Variants in WDR41 observed in about 807,000 individuals in gnomAD.
The protein encoded by WDR41 is WD repeat domain 41.
Under a neutral mutation model 69.3 loss-of-function variants are expected in WDR41, and 63 were observed. The observed-to-expected ratio is 0.91, with a 90% CI of 0.74 to 1.12. The LOEUF is 1.12. WDR41 is among the 50% of genes most tolerant of loss of function. WDR41 has a pLI of 0.00. For missense variants in WDR41, 543 were observed against 534.5 expected (o/e 1.02, Z -0.16); for synonymous variants, 185 against 192.1 (o/e 0.96, Z 0.31).
rs552254979 is a variant in WDR41 at position 77,444,742 on chromosome 5, C to T, written c.698-3745G>A. Reference sequence around the variant, plus strand: ...AGGATCACTGACATCCACATCATGGCTAACGTGCCTATGTACTGCAAGATG... The same window carrying T: ...AGGATCACTGACATCCACATCATGGTTAACGTGCCTATGTACTGCAAGATG... On this transcript the variant is annotated intron_variant, in intron 8 of 12. Coordinates refer to ENST00000296679, the MANE Select transcript of WDR41 (RefSeq NM_018268.4). 2.6e-5 allele frequency among the ~76,000 whole-genome samples: 4 copies of T among 152,336 alleles called. 1 individual carries two copies. The South Asian group carries it at 8.3e-4, about 32-fold the overall frequency.
chr5:77,601,603 C>T (rs927624532), intron 1 of WDR41, among the ~76,000 whole-genome samples: 2 of 152,144 alleles, frequency 1.3e-5, no homozygotes, highest in Non-Finnish European at 2.9e-5. Flanking sequence ...GGGTTTGGCA[C>T]TTAAGGTGTG....
At chr5:77,478,450 A>G (rs149994644) in intron 2 of WDR41, among the ~76,000 whole-genome samples, 39,045 of 152,112 alleles carry the variant, frequency 0.26, 5,798 homozygotes, top group Non-Finnish European at 0.33. Flanking sequence ...AACCGAATCC[A>G]GCAGCACATC....
intron 1 of WDR41, among the ~76,000 whole-genome samples, chr5:77,607,461 G>T (rs927800138): frequency 1.8e-4 from 28 of 152,342 alleles, no homozygotes; most frequent in African/African-American, 6.7e-4. Context: ...TTTCAAGAGG[G>T]TCACTAGAAG....
chr5:77,566,027 T>C (rs974428371), intron 1 of WDR41, among the ~76,000 whole-genome samples: 2 of 152,162 alleles, frequency 1.3e-5, no homozygotes, highest in Non-Finnish European at 2.9e-5. Flanking sequence ...ATAAAACTCC[T>C]TGTTTAGACA....
intron 1 of WDR41, among the ~76,000 whole-genome samples, chr5:77,519,222 T>C (rs1802337153): frequency 6.6e-6 from 1 of 151,986 alleles, no homozygotes. Context: ...TTTAAATTAC[T>C]CTCCTATATC....
intron 1 of WDR41, among the ~76,000 whole-genome samples, chr5:77,610,480 A>G (rs1268074927): frequency 6.6e-6 from 1 of 152,208 alleles, no homozygotes; most frequent in Admixed American, 6.5e-5. Context: ...TACAAGCCAG[A>G]AGAGAGTGGG....
chr5:77,594,159 G>A (rs979323257), intron 1 of WDR41, among the ~76,000 whole-genome samples: 2 of 149,854 alleles, frequency 1.3e-5, no homozygotes, highest in Admixed American at 6.7e-5. Context: ...GCAAACTATC[G>A]CAAGGACAAA....
intron 12 of WDR41, among the ~76,000 whole-genome samples, chr5:77,435,748 C>T (rs1798915613): frequency 6.6e-6 from 1 of 152,182 alleles, no homozygotes; most frequent in African/African-American, 2.4e-5. Flanking sequence ...ATGTTAAAAG[C>T]TTACGCATTT....
chr5:77,471,967 C>T (rs923576716), intron 2 of WDR41, among the ~76,000 whole-genome samples: 2 of 152,066 alleles, frequency 1.3e-5, no homozygotes, highest in African/African-American at 4.8e-5. Context: ...AGAGACATAA[C>T]CAAAAAAGAG....
Position 77,463,223 on chromosome 5 carries a change from C to T in WDR41, c.220G>A (p.Gly74Arg), listed in dbSNP as rs767229708. ...GIVVVWNAQTGEKLLELNGHT... is the reference protein window; with the variant it reads ...GIVVVWNAQTREKLLELNGHT... The stretch of plus-strand genomic sequence containing the variant: ...CCATTCAGTTCTAAAAGTTTTTCCC[C>T]TGTCTGAAATACCAATAAAAATGTT... The change falls in exon 4 of 13, where the codon GGG becomes AGG. Residue 74 changes from glycine to arginine, a missense_variant. Physicochemically the swap from Gly to Arg is moderately radical, Grantham distance 125. Coordinates refer to ENST00000296679, the MANE Select transcript of WDR41 (RefSeq NM_018268.4). The T allele has an allele frequency of 5.6e-6, 9 of 1,605,148 alleles. No individual in the cohort carries two copies. In the East Asian group the frequency reaches 1.6e-4, roughly 28 times the overall value.
At chr5:77,565,158 G>C (rs1580012388) in intron 1 of WDR41, among the ~76,000 whole-genome samples, 1 of 152,202 alleles carries the variant, frequency 6.6e-6, no homozygotes, top group East Asian at 1.9e-4. Flanking sequence ...TGAATCAGAA[G>C]ACTTGGGGGA....
upstream of WDR41, chr5:77,492,600 G>A (rs1801863443): frequency 4.0e-6 from 1 of 251,838 alleles, no homozygotes. Context: ...ACCCGACCCC[G>A]GCGAGCAAGC....
At chr5:77,540,084 A>T (rs995032312) in intron 1 of WDR41, among the ~76,000 whole-genome samples, 3 of 152,244 alleles carry the variant, frequency 2.0e-5, no homozygotes, top group East Asian at 3.8e-4. Context: ...AAGGAGAAAA[A>T]GGGAAGATAA....
chr5:77,433,354 A>G (rs1798802272), intron 12 of WDR41, 67 bp from the exon 13 acceptor site: 1 of 1,467,652 alleles, frequency 6.8e-7, no homozygotes, highest in African/African-American at 1.4e-5. Context: ...TACCACATTA[A>G]CACATGTGCG....
chr5:77,471,214 T>C lies in WDR41; in HGVS notation c.168-6405A>G, dbSNP rs556066307. On this transcript the variant is annotated intron_variant, in intron 2 of 12. Coordinates refer to ENST00000296679, the MANE Select transcript of WDR41 (RefSeq NM_018268.4). Reference sequence around the variant, plus strand: ...CAAAGTGAAGGCAGAAATAAAGATGTTCTTTGAAACCAACAAGAACAAAGA... The same window carrying C: ...CAAAGTGAAGGCAGAAATAAAGATGCTCTTTGAAACCAACAAGAACAAAGA... Among the ~76,000 whole-genome samples the C allele has an allele frequency of 1.1e-4, 16 of 152,312 alleles. No homozygotes were observed. In the South Asian group the frequency reaches 3.1e-3, roughly 30 times the overall value.
At chr5:77,442,707 ACGGTGAAAC>A (rs1451228137) in intron 8 of WDR41, among the ~76,000 whole-genome samples, 1 of 151,846 alleles carries the variant, frequency 6.6e-6, no homozygotes, top group East Asian at 1.9e-4. Context: ...CCTGGCTAAA[ACGGTGAAAC>A]CCTGTCTCCA....
At chr5:77,465,644 A>T (rs375649428) in intron 2 of WDR41, among the ~76,000 whole-genome samples, 1 of 152,122 alleles carries the variant, frequency 6.6e-6, no homozygotes, top group African/African-American at 2.4e-5. Context: ...TGTCATCCAC[A>T]AGTTTGTAAA....
At chr5:77,492,499 G>A (rs1801858401), upstream of WDR41, 2 of 395,482 alleles carry the variant, frequency 5.1e-6, no homozygotes, top group Non-Finnish European at 8.9e-6. Flanking sequence ...GGCGCGCGCT[G>A]CTCCGAGTGA....
intron 1 of WDR41, among the ~76,000 whole-genome samples, chr5:77,576,085 A>G (rs1743826402): frequency 6.6e-6 from 1 of 152,162 alleles, no homozygotes; most frequent in Admixed American, 6.6e-5. Flanking sequence ...TCATGTTGTA[A>G]TACTTCATAG....
Sources: allele counts gnomAD v4.1 joint callset (sites outside exome capture counted in the v4.1 genomes callset), GRCh38; gene constraint gnomAD v4.1.1; transcripts MANE v1.5; gene names NCBI Gene and HGNC (gene_info 2026-07-23, HGNC 2026-07-21).